PCDH15: variants seen among roughly 807,000 people sequenced by gnomAD.
PCDH15 encodes the protein protocadherin related 15.
A neutral mutation model predicts 178.5 loss-of-function variants in PCDH15; 129 were observed. That is an observed-to-expected ratio of 0.72 (90% confidence interval 0.63 to 0.84). The LOEUF (loss-of-function observed/expected upper bound fraction) is 0.84, where lower values mean the gene tolerates loss of function less well. Among genes scored for constraint, PCDH15 ranks in the 40% least tolerant of loss-of-function variants. PCDH15 has a pLI of 0.00. For missense variants in PCDH15, 2,230 were observed against 2,099.9 expected, an observed-to-expected ratio of 1.06 and a Z score of -1.21; for synonymous variants, 800 against 732.0, an observed-to-expected ratio of 1.09 and a Z score of -1.50.
intron 2 of PCDH15, among the ~76,000 whole-genome samples, chr10:54,604,909 C>G (rs1032902249): frequency 2.0e-5 from 3 of 151,330 alleles, no homozygotes; most frequent in Non-Finnish European, 4.4e-5. Flanking sequence ...TTTTTAACTA[C>G]TGTAGGTAGT....
At chr10:53,882,918 T>G (rs991071083) in intron 26 of PCDH15, among the ~76,000 whole-genome samples, 3 of 152,142 alleles carry the variant, frequency 2.0e-5, no homozygotes, top group African/African-American at 7.2e-5. Flanking sequence ...GCTTCTTGCT[T>G]TTTAGAAAAA....
intron 3 of PCDH15, among the ~76,000 whole-genome samples, chr10:54,434,308 C>T (rs550952087): frequency 1.1e-3 from 163 of 152,226 alleles, no homozygotes; most frequent in African/African-American, 3.9e-3. Context: ...CAGTAATGTA[C>T]AGTAATGTCC....
At chr10:54,473,549 T>C (rs1437564093) in intron 3 of PCDH15, among the ~76,000 whole-genome samples, 1 of 152,108 alleles carries the variant, frequency 6.6e-6, no homozygotes, top group East Asian at 1.9e-4. Context: ...ATTTTATTGT[T>C]AACACTTCCA....
At chr10:53,967,099 G>A (rs779984847) in intron 21 of PCDH15, among the ~76,000 whole-genome samples, 1 of 152,100 alleles carries the variant, frequency 6.6e-6, no homozygotes, top group Non-Finnish European at 1.5e-5. Context: ...CTGTTGGAGG[G>A]ACCTGGTGGG....
chr10:55,350,450 G>C (rs767881656), intron 2 of PCDH15, among the ~76,000 whole-genome samples: 1 of 151,512 alleles, frequency 6.6e-6, no homozygotes, highest in Non-Finnish European at 1.5e-5. Flanking sequence ...TAAAAGAGAG[G>C]AAAGATAATT....
At chr10:55,317,767 G>C (rs1843764828) in intron 1 of PCDH15, among the ~76,000 whole-genome samples, 1 of 151,622 alleles carries the variant, frequency 6.6e-6, no homozygotes, top group Non-Finnish European at 1.5e-5. Flanking sequence ...AAGCGAAAAA[G>C]GTAATCAAAG....
chr10:53,928,589 T>A (rs1357873090), intron 25 of PCDH15, among the ~76,000 whole-genome samples: 1 of 152,090 alleles, frequency 6.6e-6, no homozygotes, highest in Non-Finnish European at 1.5e-5. Context: ...TTTCTATTTC[T>A]GCAAAGGTTG....
intron 2 of PCDH15, among the ~76,000 whole-genome samples, chr10:55,036,265 T>A (rs1033733127): frequency 1.3e-5 from 2 of 152,154 alleles, no homozygotes; most frequent in Admixed American, 1.3e-4. Context: ...AAAACATGAA[T>A]CAATAAATTT....
At position 54,296,661 on chromosome 10, in the gene PCDH15, C is replaced by T. The variant is rs909538244; in HGVS notation, c.876+20610G>A. Among the ~76,000 whole-genome samples the T allele has an allele frequency of 1.3e-5, 2 of 152,216 alleles. 1 individual carries two copies. The highest frequency in any genetic ancestry group is 6.8e-3 in the Middle Eastern group (2 of 294). On this transcript the variant is annotated intron_variant, in intron 8 of 37. Transcript: ENST00000644397. The stretch of plus-strand genomic sequence containing the variant: ...ACATAATTTTTGCCCAAAGCCCCAT[C>T]GGAGGAGCCAGACTATCTTATCTGG...
rs1324758668 is a variant in PCDH15, at chr10:54,185,264, T to C, written c.1310A>G (p.Lys437Arg). Residue 437 changes from lysine (K) to arginine (R), a missense_variant, in exon 12 of 38, where the codon AAA (lysine) becomes AGA (arginine). Physicochemically the swap from Lys to Arg is conservative, Grantham distance 26 (BLOSUM62 2). Coordinates refer to ENST00000644397, the MANE Select transcript of PCDH15 (RefSeq NM_001384140.1). ...VALDKDIEDT[K>R]DPELHLFLND... ...CAGAAAAAGGTGAAGCTCTGGGTCT[T>C]TTGTCTTTGAAAAAAAATGACATCG... 1.9e-6 allele frequency: 3 copies of C among 1,613,496 alleles called. No homozygotes were observed. Among genetic ancestry groups the C allele is most frequent in the Non-Finnish European group, 2.5e-6 (3 of 1,179,586 alleles).
At chr10:53,960,109 TA>T (rs1289328188) in intron 22 of PCDH15, among the ~76,000 whole-genome samples, 1 of 152,178 alleles carries the variant, frequency 6.6e-6, no homozygotes, top group Non-Finnish European at 1.5e-5. Flanking sequence ...ACTCTATGAT[TA>T]AAAAACAACT....
intron 1 of PCDH15, chr10:55,247,750 T>C (rs1407762274): frequency 6.6e-6 from 1 of 151,960 alleles, no homozygotes; most frequent in Non-Finnish European, 1.5e-5. Flanking sequence ...AAGCTCATCT[T>C]TACAAAACAT....
chr10:54,032,015 T>C (rs1271246277), intron 18 of PCDH15, among the ~76,000 whole-genome samples: 2 of 151,982 alleles, frequency 1.3e-5, no homozygotes, highest in Admixed American at 1.3e-4. Context: ...ATATACCTCT[T>C]TATGTGATGG....
At chr10:55,531,732 G>C (rs1483449281) in intron 2 of PCDH15, among the ~76,000 whole-genome samples, 1 of 152,016 alleles carries the variant, frequency 6.6e-6, no homozygotes, top group African/African-American at 2.4e-5. Flanking sequence ...CAAATTGCCA[G>C]ATCATTCTCA....
intron 2 of PCDH15, among the ~76,000 whole-genome samples, chr10:55,421,202 G>A (rs1006420117): frequency 2.0e-5 from 3 of 151,364 alleles, no homozygotes; most frequent in South Asian, 4.2e-4. Flanking sequence ...ATTACTCACA[G>A]AACCTTTTAA....
chr10:53,995,713 A>G lies in PCDH15; in HGVS notation c.2804T>C (p.Val935Ala). Residue 935 changes from valine (V) to alanine (A), a missense_variant, in exon 21 of 38, where the codon GTG (valine) becomes GCG (alanine). Val to Ala is a moderately conservative substitution (Grantham distance 64, BLOSUM62 0). Transcript: ENST00000644397. ...TGTACCCTTGACTGCATCCGGAGCC[A>G]CCATCCCTTTGTATATTCGTTTACT... Reference protein sequence around the residue: ...VFSKRIYKGMVAPDAVKGTPI... With the variant: ...VFSKRIYKGMAAPDAVKGTPI... The G allele has an allele frequency of 6.2e-7, 1 of 1,613,944 alleles. No homozygotes were observed.
chr10:55,504,118 AT>A (rs1432479214), intron 2 of PCDH15, among the ~76,000 whole-genome samples: 16 of 151,422 alleles, frequency 1.1e-4, no homozygotes, highest in Non-Finnish European at 1.8e-4. Flanking sequence ...GTTTGAACCT[AT>A]AGAATTTAGA....
intron 2 of PCDH15, among the ~76,000 whole-genome samples, chr10:55,127,718 G>GA (rs1837939441): frequency 3.3e-5 from 5 of 151,946 alleles, no homozygotes. Context: ...AATCAATTGA[G>GA]AAAATCAATT....
intron 5 of PCDH15, among the ~76,000 whole-genome samples, chr10:54,354,392 G>A (rs2134319305): frequency 6.6e-6 from 1 of 152,292 alleles, no homozygotes; most frequent in Non-Finnish European, 1.5e-5. Flanking sequence ...GTATTAATAT[G>A]TGCTTCTTTC....
Sources: gnomAD v4.1 joint callset for allele counts (sites outside exome capture counted in the v4.1 genomes callset) on GRCh38, gnomAD v4.1.1 for gene constraint, MANE v1.5 for transcripts, NCBI Gene and HGNC (gene_info 2026-07-23, HGNC 2026-07-21) for gene names.